PDZRN3: variants seen among roughly 807,000 people sequenced by gnomAD.
The protein encoded by PDZRN3 is E3 ubiquitin-protein ligase PDZRN3.
In PDZRN3, 38 loss-of-function variants were observed where a neutral mutation model predicts 85.7. The observed-to-expected ratio is 0.44, with a 90% confidence interval of 0.34 to 0.58. PDZRN3 has a LOEUF of 0.58. Among genes scored for constraint, PDZRN3 ranks in the 20% least tolerant of loss-of-function variants. The probability of loss-of-function intolerance (pLI) is 0.01; values close to 1 mark genes in which losing one functional copy is unlikely to be tolerated. For missense variants in PDZRN3, 1,629 were observed against 1,506.4 expected, an observed-to-expected ratio of 1.08 and a Z score of -1.35; for synonymous variants, 759 against 638.0, an observed-to-expected ratio of 1.19 and a Z score of -2.86.
chr3:73,579,050 A>G (rs1048371966), intron 3 of PDZRN3, among the ~76,000 whole-genome samples: 1 of 152,120 alleles, frequency 6.6e-6, no homozygotes, highest in Non-Finnish European at 1.5e-5. Flanking sequence ...CATCAAATTC[A>G]TATGTTGGAC....
Position 73,601,581 on chromosome 3 carries a change from A to C in PDZRN3, c.918+773T>G, listed in dbSNP as rs1203063396. On this transcript the variant is annotated intron_variant, in intron 3 of 9. Coordinates refer to ENST00000263666, the MANE Select transcript of PDZRN3 (RefSeq NM_015009.3). ...AAAGAGCTATGAAAATGGTCAAAAC[A>C]CCAGTAAAAAATTACTCATTTATAT... Among the ~76,000 whole-genome samples, 5 of 152,260 alleles carry C rather than the reference A, an allele frequency of 3.3e-5. No homozygotes were observed. The East Asian group carries it at 9.7e-4, about 29-fold the overall frequency.
intron 3 of PDZRN3, among the ~76,000 whole-genome samples, chr3:73,578,345 T>A (rs1245627535): frequency 6.6e-6 from 1 of 151,856 alleles, no homozygotes; most frequent in Admixed American, 6.6e-5. Context: ...ATTTTTTGTA[T>A]TTTTTTATTA....
intron 5 of PDZRN3, among the ~76,000 whole-genome samples, chr3:73,400,323 C>T (rs1332279901): frequency 1.3e-5 from 2 of 152,124 alleles, no homozygotes; most frequent in African/African-American, 4.8e-5. Flanking sequence ...CTGTTGGCAA[C>T]CTGGTGTCCT....
chr3:73,522,034 CAT>C lies in PDZRN3; in HGVS notation c.918+80318_918+80319del, dbSNP rs141827202. On this transcript the variant is annotated intron_variant, in intron 3 of 9. Transcript: ENST00000263666. The stretch of plus-strand genomic sequence containing the variant: ...TGGTTGAAATAATAATATTTTATGA[CAT>C]GTGAAAATTATATGAAATTCAAATT... Among the ~76,000 whole-genome samples, 203 of 152,322 alleles carry C rather than the reference CAT, an allele frequency of 1.3e-3. 1 individual carries two copies. The highest frequency in any genetic ancestry group is 4.7e-3 in the African/African-American group (194 of 41,558).
rs931202126 is a variant in PDZRN3 at position 73,453,767 on chromosome 3, A to G, written c.919-49372T>C. ...TACCGCAATTCTGAAAACCTCACACACACAGACAATTGATCTCCGTGTTAA... is the reference window on the plus strand; with the variant it reads ...TACCGCAATTCTGAAAACCTCACACGCACAGACAATTGATCTCCGTGTTAA... On this transcript the variant is annotated intron_variant, in intron 3 of 9. Coordinates refer to ENST00000263666, the MANE Select transcript of PDZRN3 (RefSeq NM_015009.3). Among the ~76,000 whole-genome samples, 6 of 152,202 alleles carry G rather than the reference A, an allele frequency of 3.9e-5. No homozygotes were observed. In the East Asian group the frequency reaches 1.2e-3, roughly 29 times the overall value.
chr3:73,620,306 A>C (rs1702836044), intron 1 of PDZRN3, among the ~76,000 whole-genome samples: 1 of 152,218 alleles, frequency 6.6e-6, no homozygotes, highest in Admixed American at 6.5e-5. Context: ...GATGTATCTC[A>C]AGTTTTTCAA....
At chr3:73,526,916 T>C (rs1214004210) in intron 3 of PDZRN3, among the ~76,000 whole-genome samples, 2 of 152,124 alleles carry the variant, frequency 1.3e-5, no homozygotes, top group East Asian at 1.9e-4. Context: ...TGGCATGATC[T>C]TGGCTCACTG....
intron 1 of PDZRN3, among the ~76,000 whole-genome samples, chr3:73,610,625 C>T (rs1702668646): frequency 6.6e-6 from 1 of 152,156 alleles, no homozygotes; most frequent in South Asian, 2.1e-4. Flanking sequence ...GGGAATTTGG[C>T]AAGTTATCTT....
rs540923731 is a variant in PDZRN3, at chr3:73,430,655, A to G, written c.919-26260T>C. On this transcript the variant is annotated intron_variant, in intron 3 of 9. Transcript: ENST00000263666. ...GGAGTCACTGGCATCAAACCCACAG[A>G]GCCACAGACTTTCCCATCCTTACAC... is the stretch of plus-strand genomic sequence containing the variant. 8.5e-5 allele frequency among the ~76,000 whole-genome samples: 13 copies of G among 152,258 alleles called. No homozygotes were observed. In the East Asian group the frequency reaches 1.4e-3, roughly 16 times the overall value.
intron 3 of PDZRN3, among the ~76,000 whole-genome samples, chr3:73,417,224 A>G (rs1025037400): frequency 2.6e-5 from 4 of 152,212 alleles, no homozygotes; most frequent in African/African-American, 9.6e-5. Context: ...TCAACAGTTC[A>G]AAGTGGCATT....
intron 3 of PDZRN3, among the ~76,000 whole-genome samples, chr3:73,593,709 T>TATATAC (rs1246145951): frequency 4.2e-5 from 6 of 141,934 alleles, no homozygotes; most frequent in East Asian, 4.1e-4. Flanking sequence ...GAAATAAATA[T>TATATAC]ACACACACAC....
chr3:73,468,754 C>G (rs949519861), intron 3 of PDZRN3, among the ~76,000 whole-genome samples: 2 of 152,130 alleles, frequency 1.3e-5, no homozygotes, highest in African/African-American at 2.4e-5. Context: ...AAAAGTGCAC[C>G]AGAGGTTAAG....
chr3:73,572,156 T>C (rs1206722546), intron 3 of PDZRN3, among the ~76,000 whole-genome samples: 1 of 152,184 alleles, frequency 6.6e-6, no homozygotes, highest in Non-Finnish European at 1.5e-5. Flanking sequence ...TCAAATTCTA[T>C]TGTAAAATAT....
rs552898617 is a variant in PDZRN3 at position 73,557,899 on chromosome 3, A to G, written c.918+44455T>C. On this transcript the variant is annotated intron_variant, in intron 3 of 9. Coordinates refer to ENST00000263666, the MANE Select transcript of PDZRN3 (RefSeq NM_015009.3). Reference sequence around the variant, plus strand: ...AGAGAAGCAAAAATACAAAAACTCAAGAGTTAAATTGTATGACCTCAATTT... The same window carrying G: ...AGAGAAGCAAAAATACAAAAACTCAGGAGTTAAATTGTATGACCTCAATTT... Among the ~76,000 whole-genome samples the G allele has an allele frequency of 3.5e-4, 54 of 152,324 alleles. No homozygotes were observed. In the South Asian group the frequency reaches 9.9e-3, roughly 28 times the overall value.
intron 3 of PDZRN3, chr3:73,433,663 G>T (rs1351483092): frequency 7.2e-6 from 11 of 1,535,592 alleles, no homozygotes; most frequent in Non-Finnish European, 9.6e-6. Flanking sequence ...AGAGTAATTT[G>T]TACTGCTCCT....
intron 3 of PDZRN3, among the ~76,000 whole-genome samples, chr3:73,572,460 T>A (rs1371966251): frequency 6.6e-6 from 1 of 152,214 alleles, no homozygotes; most frequent in Non-Finnish European, 1.5e-5. Context: ...ATCCATTGGT[T>A]CCTTGGAGTG....
At chr3:73,489,949 G>A (rs1703740081) in intron 3 of PDZRN3, among the ~76,000 whole-genome samples, 1 of 152,152 alleles carries the variant, frequency 6.6e-6, no homozygotes, top group Non-Finnish European at 1.5e-5. Context: ...ACCCACAAAT[G>A]TGATTACAAA....
intron 3 of PDZRN3, among the ~76,000 whole-genome samples, chr3:73,427,219 C>T (rs1702333830): frequency 6.6e-6 from 1 of 152,182 alleles, no homozygotes; most frequent in Middle Eastern, 3.2e-3. Flanking sequence ...CAGGGCAGCA[C>T]CAGCTGTTCC....
chr3:73,384,331 C>A lies in PDZRN3; in HGVS notation c.2235G>T (p.Glu745Asp). Residue 745 changes from glutamate to aspartate, a missense_variant, in exon 10 of 10, where the codon GAG becomes GAT. Physicochemically the swap from Glu to Asp is conservative, Grantham distance 45. Coordinates refer to ENST00000263666, the MANE Select transcript of PDZRN3 (RefSeq NM_015009.3). ...VRRHELSDIT[E>D]LPEKSDKDSS... The stretch of plus-strand genomic sequence containing the variant: ...TGTCCTTGTCGGATTTCTCCGGGAG[C>A]TCGGTGATATCTGAGAGCTCGTGTC... The A allele has an allele frequency of 6.2e-7, 1 of 1,611,638 alleles. No homozygotes were observed. The highest frequency in any genetic ancestry group is 8.5e-7 in the Non-Finnish European group (1 of 1,179,966).
Sources: allele counts gnomAD v4.1 joint callset (sites outside exome capture counted in the v4.1 genomes callset), GRCh38; gene constraint gnomAD v4.1.1; transcripts MANE v1.5; gene names NCBI Gene and HGNC (gene_info 2026-07-23, HGNC 2026-07-21).